The following ZBTB20 variants were observed in gnomAD, a reference collection of about 807,000 sequenced individuals.
The protein encoded by ZBTB20 is zinc finger and BTB domain containing 20.
Under a neutral mutation model 56.9 loss-of-function variants are expected in ZBTB20, and 9 were observed. The observed-to-expected ratio is 0.16, with a 90% CI of 0.10 to 0.28. The LOEUF (loss-of-function observed/expected upper bound fraction) is 0.28, where lower values mean the gene tolerates loss of function less well. Among genes scored for constraint, ZBTB20 ranks in the 10% least tolerant of loss-of-function variants. ZBTB20 has a pLI of 1.00. For missense variants in ZBTB20, 655 were observed against 1,003.0 expected, an observed-to-expected ratio of 0.65 and a Z score of 4.69; for synonymous variants, 417 against 420.7, an observed-to-expected ratio of 0.99 and a Z score of 0.11.
chr3:114,774,196 TTTATAA>T (rs1396671046), intron 5 of ZBTB20, among the ~76,000 whole-genome samples: 4 of 152,322 alleles, frequency 2.6e-5, no homozygotes, highest in Non-Finnish European at 5.9e-5. Flanking sequence ...CATATTCTAC[TTTATAA>T]TTATATCACA....
At chr3:115,144,622 A>T (rs1283722686) in intron 1 of ZBTB20, among the ~76,000 whole-genome samples, 1 of 152,094 alleles carries the variant, frequency 6.6e-6, no homozygotes, top group Non-Finnish European at 1.5e-5. Context: ...CTAGTATTCC[A>T]TTTAATCTCG....
At chr3:114,601,065 G>A (rs74782578) in intron 6 of ZBTB20, among the ~76,000 whole-genome samples, 14,268 of 151,846 alleles carry the variant, frequency 0.094, 779 homozygotes, top group African/African-American at 0.14. Flanking sequence ...AAGAAAAACA[G>A]TTATGTTTGA....
At chr3:114,686,913 A>G (rs1245705050) in intron 6 of ZBTB20, among the ~76,000 whole-genome samples, 1 of 152,128 alleles carries the variant, frequency 6.6e-6, no homozygotes, top group Non-Finnish European at 1.5e-5. Flanking sequence ...ACTTTATGTG[A>G]TATGATAGTG....
At chr3:114,619,059 G>C (rs1434387262) in intron 6 of ZBTB20, among the ~76,000 whole-genome samples, 1 of 152,162 alleles carries the variant, frequency 6.6e-6, no homozygotes, top group African/African-American at 2.4e-5. Flanking sequence ...GGAGGACATT[G>C]TGTTACAAAT....
chr3:114,999,760 C>A (rs1042211641), intron 2 of ZBTB20, among the ~76,000 whole-genome samples: 2 of 151,616 alleles, frequency 1.3e-5, no homozygotes, highest in Non-Finnish European at 3.0e-5. Context: ...CCTCTCCAAG[C>A]GTTTCAGCTA....
chr3:114,674,388 C>G (rs1434155350), intron 6 of ZBTB20, among the ~76,000 whole-genome samples: 2 of 152,088 alleles, frequency 1.3e-5, no homozygotes, highest in East Asian at 3.9e-4. Flanking sequence ...ATAGCTCATA[C>G]AAAATAGTTG....
chr3:114,407,561 G>A (rs921120695), intron 7 of ZBTB20, among the ~76,000 whole-genome samples: 1 of 152,168 alleles, frequency 6.6e-6, no homozygotes, highest in African/African-American at 2.4e-5. Context: ...GATAAGGTGA[G>A]AGAGTCTTGG....
chr3:114,516,426 TTCCA>T (rs1283406975), intron 6 of ZBTB20, among the ~76,000 whole-genome samples: 1 of 152,226 alleles, frequency 6.6e-6, no homozygotes, highest in Non-Finnish European at 1.5e-5. Context: ...CCACATCAAT[TTCCA>T]TATAGAATCA....
chr3:114,989,795 T>C (rs2078720180), intron 2 of ZBTB20, among the ~76,000 whole-genome samples: 1 of 152,188 alleles, frequency 6.6e-6, no homozygotes, highest in Non-Finnish European at 1.5e-5. Flanking sequence ...TGGTTTGTAG[T>C]TGTCCTTGAA....
intron 4 of ZBTB20, among the ~76,000 whole-genome samples, chr3:114,829,291 A>G (rs760448396): frequency 2.0e-5 from 3 of 151,904 alleles, no homozygotes; most frequent in Non-Finnish European, 2.9e-5. Flanking sequence ...AAAGGGAATC[A>G]ATGAAGAGAT....
chr3:115,038,880 G>A (rs2081035074), intron 2 of ZBTB20, among the ~76,000 whole-genome samples: 1 of 151,980 alleles, frequency 6.6e-6, no homozygotes, highest in African/African-American at 2.4e-5. Context: ...TCACCTTTTA[G>A]CCATTGCATT....
intron 1 of ZBTB20, among the ~76,000 whole-genome samples, chr3:115,134,848 T>C (rs1212805897): frequency 6.6e-6 from 1 of 152,132 alleles, no homozygotes; most frequent in Admixed American, 6.6e-5. Flanking sequence ...GGCAGAAATA[T>C]CACAGGTGGT....
chr3:114,974,054 C>A, intron 3 of ZBTB20, among the ~76,000 whole-genome samples: 1 of 142,098 alleles, frequency 7.0e-6, no homozygotes, highest in African/African-American at 2.6e-5. Context: ...TCATGAGTTC[C>A]AAACCAGTTA....
At chr3:114,895,845 A>G (rs987849251) in intron 4 of ZBTB20, among the ~76,000 whole-genome samples, 1 of 152,180 alleles carries the variant, frequency 6.6e-6, no homozygotes, top group Non-Finnish European at 1.5e-5. Flanking sequence ...CATACTATAC[A>G]TAGGAAAGCT....
intron 5 of ZBTB20, among the ~76,000 whole-genome samples, chr3:114,752,792 A>G (rs2067668419): frequency 6.6e-6 from 1 of 152,064 alleles, no homozygotes; most frequent in Non-Finnish European, 1.5e-5. Flanking sequence ...AAGGCCACAT[A>G]CTATTGTTAA....
intron 4 of ZBTB20, among the ~76,000 whole-genome samples, chr3:114,812,863 G>C (rs1475214126): frequency 6.6e-6 from 1 of 152,226 alleles, no homozygotes; most frequent in African/African-American, 2.4e-5. Flanking sequence ...GCTAAGGCCC[G>C]GCGAGAAATT....
chr3:114,603,166 G>C (rs569061401), intron 6 of ZBTB20, among the ~76,000 whole-genome samples: 3 of 152,080 alleles, frequency 2.0e-5, no homozygotes, highest in South Asian at 2.1e-4. Flanking sequence ...TAAATAAAGA[G>C]CAACACAGAA....
intron 3 of ZBTB20, among the ~76,000 whole-genome samples, chr3:114,959,921 A>C (rs919428370): frequency 6.6e-6 from 1 of 152,204 alleles, no homozygotes; most frequent in African/African-American, 2.4e-5. Flanking sequence ...CAGAAAAACT[A>C]ACTTGTTCTT....
intron 3 of ZBTB20, among the ~76,000 whole-genome samples, chr3:114,921,946 A>C (rs1310794236): frequency 6.6e-6 from 1 of 152,198 alleles, no homozygotes. Flanking sequence ...TAGATACAAA[A>C]GTCTTCAACA....
Sources: gnomAD v4.1 joint callset for allele counts (sites outside exome capture counted in the v4.1 genomes callset) on GRCh38, gnomAD v4.1.1 for gene constraint, MANE v1.5 for transcripts, NCBI Gene and HGNC (gene_info 2026-07-23, HGNC 2026-07-21) for gene names.